The following CELF2 variants were observed in gnomAD, a reference collection of about 807,000 sequenced individuals.
CELF2 encodes the protein CUGBP Elav-like family member 2, also known as CUG triplet repeat RNA-binding protein 2.
CELF2 carries 8 observed loss-of-function variants against 62.6 expected under a neutral mutation model. The ratio of observed to expected loss-of-function variants is 0.13; its 90% CI spans 0.07 to 0.23. The LOEUF (loss-of-function observed/expected upper bound fraction) is 0.23. Among genes scored for constraint, CELF2 ranks in the 10% least tolerant of loss-of-function variants. CELF2 has a pLI of 1.00. For missense variants in CELF2, 333 were observed against 671.0 expected (o/e 0.50, Z 5.56); for synonymous variants, 258 against 250.0 (o/e 1.03, Z -0.30).
At chr10:10,726,117 A>G in the CELF2 span, among the ~76,000 whole-genome samples, 69,388 of 151,868 alleles carry the variant, frequency 0.46, 16,215 homozygotes, top group Middle Eastern at 0.52. Context: ...GTCCCTCCTC[A>G]TGGGGACACA....
At chr10:10,750,559 A>G in the CELF2 span, among the ~76,000 whole-genome samples, 10 of 152,384 alleles carry the variant, frequency 6.6e-5, no homozygotes, top group East Asian at 9.6e-4. Context: ...CATTGGATTA[A>G]TTTGGATTAA....
intron 1 of CELF2, among the ~76,000 whole-genome samples, chr10:11,088,195 A>C (rs1362940092): frequency 1.3e-5 from 2 of 152,226 alleles, no homozygotes. Context: ...CAGGTGAGGC[A>C]AGGCTGTGCA....
the CELF2 span, among the ~76,000 whole-genome samples, chr10:10,549,998 C>T: frequency 6.6e-6 from 1 of 152,128 alleles, no homozygotes; most frequent in Non-Finnish European, 1.5e-5. Flanking sequence ...ACACATTTGA[C>T]CTTTGAACAG....
At chr10:10,475,318 C>A in the CELF2 span, among the ~76,000 whole-genome samples, 2 of 151,920 alleles carry the variant, frequency 1.3e-5, no homozygotes, top group Admixed American at 1.3e-4. Context: ...AGTCTTACAT[C>A]CCATGTCCCC....
intron 1 of CELF2, among the ~76,000 whole-genome samples, chr10:11,100,236 A>G (rs11256975): frequency 5.9e-5 from 9 of 151,896 alleles, no homozygotes; most frequent in Non-Finnish European, 1.3e-4. Flanking sequence ...AAATAAATAA[A>G]TAAATAAAGT....
Position 11,033,713 on chromosome 10 carries a change from C to T in CELF2, c.74+15550C>T, listed in dbSNP as rs73571691. On this transcript the variant is annotated intron_variant, in intron 1 of 12. Transcript: ENST00000633077. ...TTAGCTTTTAAAGTTATCTAATTCT[C>T]AGGGTTTCTTGTGAGCCCCTACAGT... Among the ~76,000 whole-genome samples, 1,441 of 152,318 alleles carry T rather than the reference C, an allele frequency of 9.5e-3. 22 individuals carry two copies. The highest frequency in any genetic ancestry group is 0.033 in the African/African-American group (1,353 of 41,558).
chr10:11,055,590 GT>G (rs560860416), intron 1 of CELF2, among the ~76,000 whole-genome samples: 34 of 152,330 alleles, frequency 2.2e-4, no homozygotes, highest in East Asian at 2.1e-3. Context: ...GGCTTAGATG[GT>G]TTTTAAGATT....
intron 2 of CELF2, among the ~76,000 whole-genome samples, chr10:10,973,540 G>T (rs2050993799): frequency 6.6e-6 from 1 of 152,102 alleles, no homozygotes; most frequent in Non-Finnish European, 1.5e-5. Context: ...AGGACCAGTT[G>T]CCAGCTCTTT....
At chr10:10,487,131 G>A in the CELF2 span, among the ~76,000 whole-genome samples, 1 of 152,122 alleles carries the variant, frequency 6.6e-6, no homozygotes, top group Admixed American at 6.5e-5. Context: ...TTCTGTGATG[G>A]CTCTCAGCAA....
chr10:10,659,677 C>A, the CELF2 span, among the ~76,000 whole-genome samples: 1 of 152,152 alleles, frequency 6.6e-6, no homozygotes, highest in African/African-American at 2.4e-5. Flanking sequence ...AATTGACTTC[C>A]AGACACACAG....
At chr10:10,659,035 C>T in the CELF2 span, among the ~76,000 whole-genome samples, 2 of 152,218 alleles carry the variant, frequency 1.3e-5, no homozygotes, top group African/African-American at 4.8e-5. Flanking sequence ...CAGAAAAATG[C>T]TTCACAATTG....
the CELF2 span, among the ~76,000 whole-genome samples, chr10:10,656,804 T>A: frequency 2.1e-5 from 3 of 145,302 alleles, no homozygotes; most frequent in Admixed American, 1.4e-4. Context: ...CGCACCAGCA[T>A]GGCACATGTA....
the CELF2 span, among the ~76,000 whole-genome samples, chr10:10,703,180 G>C: frequency 1.3e-5 from 2 of 152,212 alleles, no homozygotes; most frequent in African/African-American, 4.8e-5. Flanking sequence ...TTCTTACCAT[G>C]TGCGGGGAAC....
the CELF2 span, among the ~76,000 whole-genome samples, chr10:10,481,535 T>C: frequency 6.6e-6 from 1 of 152,166 alleles, no homozygotes; most frequent in East Asian, 1.9e-4. Context: ...CACACTCCAT[T>C]TCCCCCTTGA....
chr10:10,597,619 CT>C, the CELF2 span, among the ~76,000 whole-genome samples: 5 of 152,190 alleles, frequency 3.3e-5, no homozygotes, highest in South Asian at 4.1e-4. Context: ...GGACCGGCAT[CT>C]GATACATAGT....
chr10:11,239,685 G>T (rs2073049246), intron 3 of CELF2, among the ~76,000 whole-genome samples: 1 of 152,044 alleles, frequency 6.6e-6, no homozygotes, highest in African/African-American at 2.4e-5. Context: ...CTGTTTCTTT[G>T]TTGTTACCAA....
In CELF2 at chr10:11,288,555, G is replaced by A. The variant is rs758411874; in HGVS notation, c.976+3G>A. Reference sequence around the variant, plus strand: ...CCTGGGAGCCCTCACGAGTCCCGGTGAGTGTGGGGGGTGCTCTTCCCTTGC... The same window carrying A: ...CCTGGGAGCCCTCACGAGTCCCGGTAAGTGTGGGGGGTGCTCTTCCCTTGC... On this transcript the variant is annotated splice_donor_region_variant and intron_variant, in intron 9 of 12. Transcript: ENST00000633077. 1 of 1,613,438 alleles carries A rather than the reference G, an allele frequency of 6.2e-7. No homozygotes were observed. The highest frequency in any genetic ancestry group is 8.5e-7 in the Non-Finnish European group (1 of 1,179,824).
chr10:11,271,099 A>G (rs1279915634), intron 7 of CELF2, among the ~76,000 whole-genome samples: 4 of 152,246 alleles, frequency 2.6e-5, no homozygotes, highest in South Asian at 2.1e-4. Flanking sequence ...GTTAGAAGAC[A>G]TGCAGCTGAT....
chr10:11,141,092 C>T (rs921350807), intron 1 of CELF2, among the ~76,000 whole-genome samples: 1 of 152,160 alleles, frequency 6.6e-6, no homozygotes, highest in African/African-American at 2.4e-5. Flanking sequence ...GAACACTCAC[C>T]ACATGCCGGG....
Sources: gnomAD v4.1 joint callset for allele counts (sites outside exome capture counted in the v4.1 genomes callset) on GRCh38, gnomAD v4.1.1 for gene constraint, MANE v1.5 for transcripts, NCBI Gene and HGNC (gene_info 2026-07-23, HGNC 2026-07-21) for gene names.